Variants in AP3M1 observed in about 807,000 individuals in gnomAD.
AP3M1 encodes the protein adaptor related protein complex 3 subunit mu 1, also known as AP-3 complex subunit mu-1.
A neutral mutation model predicts 42.6 loss-of-function variants in AP3M1; 29 were observed. That is an observed-to-expected ratio of 0.68 (90% confidence interval 0.51 to 0.93). The LOEUF (loss-of-function observed/expected upper bound fraction) is 0.93, where lower values mean the gene tolerates loss of function less well. Among genes scored for constraint, AP3M1 ranks in the 40% least tolerant of loss-of-function variants. AP3M1 has a pLI of 0.00. For synonymous variants in AP3M1, 178 were observed against 175.3 expected (o/e 1.02, Z -0.12); for missense variants, 416 against 510.2 (o/e 0.82, Z 1.78).
intron 1 of AP3M1, among the ~76,000 whole-genome samples, chr10:74,149,994 T>C (rs932895435): frequency 1.3e-5 from 2 of 152,240 alleles, no homozygotes; most frequent in South Asian, 2.1e-4. Context: ...CCTCTGACCA[T>C]TGCAGCATTT....
intron 1 of AP3M1, among the ~76,000 whole-genome samples, chr10:74,141,665 G>C (rs1027220410): frequency 2.0e-5 from 3 of 151,874 alleles, no homozygotes; most frequent in African/African-American, 7.3e-5. Flanking sequence ...GAGGGCCATG[G>C]GGATGATCTC....
At chr10:74,131,291 T>C (rs989793493) in intron 4 of AP3M1, among the ~76,000 whole-genome samples, 8 of 151,384 alleles carry the variant, frequency 5.3e-5, no homozygotes, top group Middle Eastern at 3.4e-3. Flanking sequence ...CCTCAGTCTC[T>C]CGAGTAGCTG....
intron 1 of AP3M1, among the ~76,000 whole-genome samples, chr10:74,141,984 G>A (rs1841168765): frequency 6.6e-6 from 1 of 151,606 alleles, no homozygotes; most frequent in African/African-American, 2.4e-5. Context: ...GCCTCCCAAA[G>A]TGCTAGGATT....
At chr10:74,129,355 G>GATACGGCT in intron 5 of AP3M1, 114 bp from the exon 6 acceptor site, 1 of 981,336 alleles carries the variant, frequency 1.0e-6, no homozygotes, top group South Asian at 1.8e-5. Context: ...AAGAGTTTAT[G>GATACGGCT]ACCACATCTA....
rs1302379089 is a variant in AP3M1, at chr10:74,130,002, G to A, written c.584-10C>T. 2.0e-4 allele frequency: 283 copies of A among 1,444,714 alleles called. No homozygotes were observed. In the Admixed American group the frequency reaches 2.0e-3, roughly 10 times the overall value. 89.5% of individuals were successfully genotyped at this position (1,444,714 alleles called of 1,614,324 possible). On this transcript the variant is annotated splice_polypyrimidine_tract_variant and intron_variant, in intron 4 of 8. Coordinates refer to ENST00000355264, the MANE Select transcript of AP3M1 (RefSeq NM_012095.6). The stretch of plus-strand genomic sequence containing the variant: ...GCAAAGACTGTAGATCCTGAAGAAA[G>A]AAAAAAAAAAGGAAGATAACATCAA...
chr10:74,148,551 G>C (rs1425205436), intron 1 of AP3M1, among the ~76,000 whole-genome samples: 1 of 152,086 alleles, frequency 6.6e-6, no homozygotes, highest in African/African-American at 2.4e-5. Flanking sequence ...ATGTGTATAT[G>C]TATTTTTTTT....
Position 74,122,958 on chromosome 10 carries a change from T to C in AP3M1, c.*852A>G, listed in dbSNP as rs915115349. The C allele has an allele frequency of 5.2e-5, 8 of 152,688 alleles. No individual in the cohort carries two copies. Among genetic ancestry groups the C allele is most frequent in the South Asian group, 2.1e-4 (1 of 4,826 alleles). The allele number at this position is 152,688 out of a possible 1,614,324, so 9.5% of individuals were successfully genotyped here. Reference sequence around the variant, plus strand: ...GAAGATGGCAAAGGTTTCACTTAAGTTTTTCTTTTACTACTTTAATTTGCT... The same window carrying C: ...GAAGATGGCAAAGGTTTCACTTAAGCTTTTCTTTTACTACTTTAATTTGCT... On this transcript the variant is annotated 3_prime_UTR_variant, in exon 9 of 9. Coordinates refer to ENST00000355264, the MANE Select transcript of AP3M1 (RefSeq NM_012095.6).
In AP3M1 at chr10:74,136,638, T is replaced by C; in HGVS notation, c.439A>G (p.Ile147Val). 6.4e-7 allele frequency: 1 copy of C among 1,555,396 alleles called. No homozygotes were observed. Among genetic ancestry groups the C allele is most frequent in the Non-Finnish European group, 8.8e-7 (1 of 1,137,910 alleles). The change falls in exon 3 of 9, where the codon ATT (isoleucine) becomes GTT (valine). Residue 147 changes from isoleucine (I) to valine (V), a missense_variant. Coordinates refer to ENST00000355264, the MANE Select transcript of AP3M1 (RefSeq NM_012095.6). ...CAGTATGTTTTCATCTTACCTGTAA[T>C]AGAGTTGACAACAGAGCGTAGAATT... ...PTILRSVVNSITGSSNVGDTL... is the reference protein window; with the variant it reads ...PTILRSVVNSVTGSSNVGDTL...
chr10:74,127,654 C>T (rs1034975419), intron 6 of AP3M1, among the ~76,000 whole-genome samples: 3 of 151,426 alleles, frequency 2.0e-5, no homozygotes, highest in African/African-American at 4.9e-5. Flanking sequence ...AGTGAAACTC[C>T]GTCTCAAAAC....
chr10:74,144,256 C>T (rs776473753), intron 1 of AP3M1, among the ~76,000 whole-genome samples: 29 of 151,858 alleles, frequency 1.9e-4, no homozygotes, highest in African/African-American at 3.4e-4. Flanking sequence ...CCACCATGCC[C>T]GGCTTTTTTA....
intron 7 of AP3M1, 58 bp downstream of exon 7, chr10:74,126,090 C>G: frequency 1.9e-6 from 3 of 1,582,898 alleles, no homozygotes; most frequent in Non-Finnish European, 1.7e-6. Context: ...TTCCTCCCCA[C>G]AAATCACAAA....
Position 74,129,998 on chromosome 10 carries a change from GAAAGAAA to G in AP3M1, c.584-13_584-7del. 1 of 1,494,868 alleles carries G rather than the reference GAAAGAAA, an allele frequency of 6.7e-7. No individual in the cohort carries two copies. The highest frequency in any genetic ancestry group is 8.9e-7 in the Non-Finnish European group (1 of 1,117,622). 92.6% of individuals were successfully genotyped at this position (1,494,868 alleles called of 1,614,324 possible). On this transcript the variant is annotated splice_region_variant and splice_polypyrimidine_tract_variant and intron_variant, in intron 4 of 8. Transcript: ENST00000355264. ...TTCTGCAAAGACTGTAGATCCTGAAGAAAGAAAAAAAAAAGGAAGATAACATCAATGG... is the reference window on the plus strand; with the variant it reads ...TTCTGCAAAGACTGTAGATCCTGAAGAAAAAAAGGAAGATAACATCAATGG...
intron 4 of AP3M1, among the ~76,000 whole-genome samples, chr10:74,132,748 G>A (rs1840817935): frequency 6.6e-6 from 1 of 151,844 alleles, no homozygotes; most frequent in African/African-American, 2.4e-5. Flanking sequence ...AATCAGATAG[G>A]GGCTTTTACC....
At chr10:74,141,031 T>A (rs1841129903) in intron 1 of AP3M1, among the ~76,000 whole-genome samples, 1 of 152,156 alleles carries the variant, frequency 6.6e-6, no homozygotes, top group African/African-American at 2.4e-5. Flanking sequence ...GTCCATCAAA[T>A]TTAAAACTTA....
intron 7 of AP3M1, 104 bp downstream of exon 7, chr10:74,126,044 T>G: frequency 1.6e-6 from 2 of 1,225,322 alleles, no homozygotes; most frequent in Admixed American, 3.6e-5. Flanking sequence ...TGATACGAAC[T>G]TTAGTTTTAA....
chr10:74,126,693 C>T (rs997821144), intron 6 of AP3M1, among the ~76,000 whole-genome samples: 1 of 151,944 alleles, frequency 6.6e-6, no homozygotes, highest in South Asian at 2.1e-4. Flanking sequence ...CTCGTCTCTA[C>T]AAAAATTAGC....
At chr10:74,141,701 C>A (rs1591762124) in intron 1 of AP3M1, among the ~76,000 whole-genome samples, 1 of 145,528 alleles carries the variant, frequency 6.9e-6, no homozygotes, top group African/African-American at 2.5e-5. Flanking sequence ...TGTTTTATTT[C>A]TTTTTTATTT....
intron 1 of AP3M1, among the ~76,000 whole-genome samples, chr10:74,145,866 A>T (rs993458809): frequency 6.6e-6 from 1 of 152,214 alleles, no homozygotes; most frequent in Non-Finnish European, 1.5e-5. Flanking sequence ...CTAAAAACAA[A>T]AATGTATTCC....
intron 4 of AP3M1, among the ~76,000 whole-genome samples, chr10:74,132,311 T>C (rs1840803231): frequency 6.6e-6 from 1 of 152,186 alleles, no homozygotes; most frequent in Non-Finnish European, 1.5e-5. Flanking sequence ...GTGCTGGAAT[T>C]ACAGGCGTGA....
Sources: allele counts gnomAD v4.1 joint callset (sites outside exome capture counted in the v4.1 genomes callset), GRCh38; gene constraint gnomAD v4.1.1; transcripts MANE v1.5; gene names NCBI Gene and HGNC (gene_info 2026-07-23, HGNC 2026-07-21).